ACACB: variants seen among roughly 807,000 people sequenced by gnomAD.
ACACB encodes acetyl-CoA carboxylase beta.
A neutral mutation model predicts 278.8 loss-of-function variants in ACACB; 209 were observed. That is an observed-to-expected ratio of 0.75 (90% CI 0.67 to 0.84). The LOEUF is 0.84. ACACB is among the 40% of genes least tolerant of loss of function. The probability of loss-of-function intolerance (pLI) is 0.00; values close to 1 mark genes in which losing one functional copy is unlikely to be tolerated. For synonymous variants in ACACB, 1,174 were observed against 1,285.6 expected (o/e 0.91, Z 1.86); for missense variants, 2,850 against 3,269.0 (o/e 0.87, Z 3.13).
intron 31 of ACACB, among the ~76,000 whole-genome samples, chr12:109,234,535 T>G (rs1021436720): frequency 1.3e-5 from 2 of 152,190 alleles, no homozygotes. Flanking sequence ...TGATATTTTT[T>G]AATTATCTTT....
chr12:109,254,097 G>C lies in ACACB; in HGVS notation c.6046-117G>C, dbSNP rs943140757. 8.8e-5 allele frequency: 111 copies of C among 1,263,576 alleles called. No homozygotes were observed. In the African/African-American group the frequency reaches 1.4e-3, roughly 16 times the overall value. The allele number at this position is 1,263,576 out of a possible 1,614,324, so 78.3% of individuals were successfully genotyped here. ...CAGAGCAGTGGCTTCAGGAGCCCTA[G>C]GGAGGGGATATTGCTGCATAACCAG... On this transcript the variant is annotated intron_variant, in intron 43 of 52. Transcript: ENST00000338432.
In ACACB at chr12:109,221,795, T is replaced by C. The variant is rs1247559898; in HGVS notation, c.3565-712T>C. Among the ~76,000 whole-genome samples, 25 of 149,890 alleles carry C rather than the reference T, an allele frequency of 1.7e-4. 1 individual carries two copies. The highest frequency in any genetic ancestry group is 1.7e-3 in the Admixed American group (25 of 14,994). The stretch of plus-strand genomic sequence containing the variant: ...CAAAATAAGTAACTCTTCGTGGGGG[T>C]GGGAGAATTTGGGGAGTTGTATATA... On this transcript the variant is annotated intron_variant, in intron 24 of 52. Coordinates refer to ENST00000338432, the MANE Select transcript of ACACB (RefSeq NM_001093.4).
In ACACB at chr12:109,165,059, G is replaced by A. The variant is rs747106417; in HGVS notation, c.654-1802G>A. ...GTCAGGAATAGGGCAGGGAAATTGA[G>A]GGCATCATTGTCATGCGCCTTGCCA... is the stretch of plus-strand genomic sequence containing the variant. On this transcript the variant is annotated intron_variant, in intron 2 of 52. Transcript: ENST00000338432. Among the ~76,000 whole-genome samples the A allele has an allele frequency of 2.0e-5, 3 of 152,148 alleles. No homozygotes were observed. In the East Asian group the frequency reaches 5.8e-4, roughly 29 times the overall value.
At chr12:109,119,229 G>T (rs187108077) in intron 1 of ACACB, among the ~76,000 whole-genome samples, 2 of 152,252 alleles carry the variant, frequency 1.3e-5, no homozygotes, top group East Asian at 3.9e-4. Context: ...CAGAAGTCCT[G>T]CTCTCTGGGC....
intron 44 of ACACB, among the ~76,000 whole-genome samples, 163 bp from the exon 45 acceptor site, chr12:109,255,977 A>G (rs1163869186): frequency 6.6e-6 from 1 of 152,192 alleles, no homozygotes; most frequent in South Asian, 2.1e-4. Flanking sequence ...CATTTTGGGA[A>G]GGAGGGAAGG....
chr12:109,155,204 T>G (rs1389263486), intron 2 of ACACB, among the ~76,000 whole-genome samples: 3 of 152,168 alleles, frequency 2.0e-5, no homozygotes, highest in African/African-American at 7.2e-5. Flanking sequence ...CACAGGTGCC[T>G]AAAGATCAGC....
At chr12:109,249,283 T>C (rs2136735204) in intron 40 of ACACB, 1 of 152,324 alleles carries the variant, frequency 6.6e-6, no homozygotes, top group African/African-American at 2.4e-5. Flanking sequence ...CTTCCTGCGC[T>C]CAGTAAGTCA....
chr12:109,230,343 G>A (rs527667559), intron 28 of ACACB, among the ~76,000 whole-genome samples: 2 of 152,232 alleles, frequency 1.3e-5, no homozygotes, highest in East Asian at 3.9e-4. Context: ...TGCAGCCTGG[G>A]GTCATTCTGG....
At chr12:109,214,340 A>G (rs761851102) in intron 22 of ACACB, among the ~76,000 whole-genome samples, 4 of 152,148 alleles carry the variant, frequency 2.6e-5, no homozygotes, top group Non-Finnish European at 5.9e-5. Flanking sequence ...TGTGCCAGAA[A>G]CTCACAGGTA....
At chr12:109,130,837 C>T (rs1489212292) in intron 1 of ACACB, among the ~76,000 whole-genome samples, 1 of 152,186 alleles carries the variant, frequency 6.6e-6, no homozygotes, top group Non-Finnish European at 1.5e-5. Context: ...CTCTTTCCTG[C>T]CTGGGCTGAC....
intron 27 of ACACB, among the ~76,000 whole-genome samples, chr12:109,224,358 C>A (rs566610379): frequency 2.6e-5 from 4 of 151,738 alleles, no homozygotes; most frequent in African/African-American, 9.7e-5. Flanking sequence ...CTTAAGGTGA[C>A]CCCCTGCCCC....
intron 11 of ACACB, among the ~76,000 whole-genome samples, chr12:109,180,661 G>A (rs929282077): frequency 4.0e-5 from 6 of 151,624 alleles, no homozygotes; most frequent in Non-Finnish European, 8.8e-5. Context: ...TTTTTGAGAC[G>A]GAGTCTTGCT....
chr12:109,162,775 T>C (rs2043770962), intron 2 of ACACB, among the ~76,000 whole-genome samples: 1 of 152,192 alleles, frequency 6.6e-6, no homozygotes. Context: ...GACACAAAGA[T>C]ACTGACTCAG....
At chr12:109,210,492 T>TAC (rs1172775200) in intron 21 of ACACB, among the ~76,000 whole-genome samples, 9 of 147,280 alleles carry the variant, frequency 6.1e-5, no homozygotes, top group African/African-American at 2.2e-4. Context: ...TGTGTATATA[T>TAC]ACATGTATGT....
chr12:109,142,095 A>G (rs945910215), intron 2 of ACACB, among the ~76,000 whole-genome samples: 1 of 151,702 alleles, frequency 6.6e-6, no homozygotes, highest in Non-Finnish European at 1.5e-5. Context: ...AAAAAAAATT[A>G]AGAATTTGCC....
chr12:109,244,147 A>G (rs942377551), intron 37 of ACACB, among the ~76,000 whole-genome samples: 2 of 152,176 alleles, frequency 1.3e-5, no homozygotes, highest in African/African-American at 4.8e-5. Context: ...TACAAGAAAA[A>G]CAACAACCCC....
At chr12:109,126,708 T>TAAAA (rs113571428) in intron 1 of ACACB, among the ~76,000 whole-genome samples, 8,099 of 151,626 alleles carry the variant, frequency 0.053, 402 homozygotes, top group East Asian at 0.25. Flanking sequence ...AAATAAAAAA[T>TAAAA]AAAAAGAAAG....
chr12:109,168,163 T>C, intron 4 of ACACB, 129 bp downstream of exon 4: 1 of 1,009,894 alleles, frequency 9.9e-7, no homozygotes, highest in Non-Finnish European at 1.4e-6. Context: ...CTGTATTTAT[T>C]TGTCCTTCCT....
At chr12:109,133,262 C>CAA (rs2042878051) in intron 1 of ACACB, among the ~76,000 whole-genome samples, 1 of 151,808 alleles carries the variant, frequency 6.6e-6, no homozygotes, top group South Asian at 2.1e-4. Flanking sequence ...CTCTCTCTCT[C>CAA]TCTCGTTGCC....
Sources: gnomAD v4.1 joint callset for allele counts (sites outside exome capture counted in the v4.1 genomes callset) on GRCh38, gnomAD v4.1.1 for gene constraint, MANE v1.5 for transcripts, NCBI Gene and HGNC (gene_info 2026-07-23, HGNC 2026-07-21) for gene names.